Variants in TMEM132D observed in about 807,000 individuals in gnomAD.
The protein encoded by TMEM132D is mature OL transmembrane protein.
Under a neutral mutation model 62.3 loss-of-function variants are expected in TMEM132D, and 21 were observed. That is an observed-to-expected ratio of 0.34 (90% confidence interval 0.24 to 0.49). The LOEUF (loss-of-function observed/expected upper bound fraction) is 0.49. Among genes scored for constraint, TMEM132D ranks in the 20% least tolerant of loss-of-function variants. TMEM132D has a pLI of 0.99. For missense variants in TMEM132D, 1,346 were observed against 1,402.8 expected, an observed-to-expected ratio of 0.96 and a Z score of 0.65; for synonymous variants, 621 against 575.6, an observed-to-expected ratio of 1.08 and a Z score of -1.13.
chr12:129,315,180 G>T (rs1868441878), intron 4 of TMEM132D, among the ~76,000 whole-genome samples: 1 of 152,160 alleles, frequency 6.6e-6, no homozygotes, highest in Non-Finnish European at 1.5e-5. Context: ...GCAGAACTAT[G>T]TTGAAGAGGA....
intron 3 of TMEM132D, among the ~76,000 whole-genome samples, chr12:129,505,986 G>A (rs1875318182): frequency 6.6e-6 from 1 of 152,140 alleles, no homozygotes; most frequent in Non-Finnish European, 1.5e-5. Flanking sequence ...CTGTGAGTCT[G>A]TATCTTTTAA....
rs1221884301 is a variant in TMEM132D, at chr12:129,356,685, T to TAAATAAATA, written c.1116-18877_1116-18869dup. ...ATAAATAAATAAATAAATAAATAAA[T>TAAATAAATA]AAATAAATAAATAAAATAAAAATAC... On this transcript the variant is annotated intron_variant, in intron 3 of 8. Coordinates refer to ENST00000422113, the MANE Select transcript of TMEM132D (RefSeq NM_133448.3). Among the ~76,000 whole-genome samples, 3 of 148,382 alleles carry TAAATAAATA rather than the reference T, an allele frequency of 2.0e-5. No homozygotes were observed. The East Asian group carries it at 6.1e-4, about 30-fold the overall frequency.
At chr12:129,701,733 G>C (rs1460986066) in intron 1 of TMEM132D, among the ~76,000 whole-genome samples, 1 of 152,172 alleles carries the variant, frequency 6.6e-6, no homozygotes, top group Non-Finnish European at 1.5e-5. Context: ...TATTGGCTGG[G>C]AACACTGACT....
chr12:129,196,666 G>T (rs1878560229), intron 5 of TMEM132D, among the ~76,000 whole-genome samples: 3 of 152,088 alleles, frequency 2.0e-5, no homozygotes, highest in African/African-American at 7.2e-5. Flanking sequence ...ATAGGGTAAG[G>T]TTGGTCCATC....
chr12:129,570,898 G>A (rs1173146764), intron 2 of TMEM132D, among the ~76,000 whole-genome samples: 1 of 152,200 alleles, frequency 6.6e-6, no homozygotes, highest in Non-Finnish European at 1.5e-5. Flanking sequence ...GACGGGCTTA[G>A]TAAACAATGA....
intron 1 of TMEM132D, among the ~76,000 whole-genome samples, chr12:129,833,582 G>T (rs116335241): frequency 2.0e-5 from 3 of 152,106 alleles, no homozygotes; most frequent in Non-Finnish European, 4.4e-5. Flanking sequence ...CTGTGATCAC[G>T]CCACTGTTCT....
intron 4 of TMEM132D, among the ~76,000 whole-genome samples, chr12:129,247,443 A>T (rs977783809): frequency 1.3e-5 from 2 of 152,192 alleles, no homozygotes; most frequent in Admixed American, 6.5e-5. Context: ...ATGGTATTGA[A>T]ATAGGTCATG....
intron 1 of TMEM132D, among the ~76,000 whole-genome samples, chr12:129,881,237 CA>C (rs1309934287): frequency 6.6e-6 from 1 of 151,694 alleles, no homozygotes; most frequent in African/African-American, 2.4e-5. Context: ...TAAAGAGAAA[CA>C]AAAAAATCCA....
chr12:129,331,390 A>AT (rs75400352), intron 4 of TMEM132D, among the ~76,000 whole-genome samples: 2 of 151,980 alleles, frequency 1.3e-5, no homozygotes, highest in Admixed American at 1.3e-4. Flanking sequence ...TTCTCCTTTG[A>AT]TTTTTTTCAA....
chr12:129,142,713 G>A (rs1425922211), intron 5 of TMEM132D, among the ~76,000 whole-genome samples: 1 of 152,132 alleles, frequency 6.6e-6, no homozygotes. Context: ...ACAGGTAGTC[G>A]TGGGGACTGC....
intron 4 of TMEM132D, among the ~76,000 whole-genome samples, chr12:129,334,418 C>T (rs975830076): frequency 2.3e-4 from 35 of 152,270 alleles, no homozygotes; most frequent in African/African-American, 7.7e-4. Context: ...AATTTAATAA[C>T]GGCAACCACA....
intron 5 of TMEM132D, among the ~76,000 whole-genome samples, chr12:129,095,511 C>T (rs1256589587): frequency 6.6e-6 from 1 of 152,080 alleles, no homozygotes; most frequent in Admixed American, 6.6e-5. Flanking sequence ...ATCACCACAA[C>T]CGGCTAATTT....
chr12:129,463,834 A>G (rs1180126383), intron 3 of TMEM132D, among the ~76,000 whole-genome samples: 2 of 151,794 alleles, frequency 1.3e-5, no homozygotes. Flanking sequence ...ATAGTATTCC[A>G]TGGTGTATAT....
chr12:129,224,168 G>A (rs1014005992), intron 4 of TMEM132D, among the ~76,000 whole-genome samples: 7 of 152,266 alleles, frequency 4.6e-5, no homozygotes, highest in African/African-American at 1.7e-4. Context: ...ATAATACTTT[G>A]TGTCTCCTGG....
rs188028844 is a variant in TMEM132D, at chr12:129,682,719, C to T, written c.968+17091G>A. Among the ~76,000 whole-genome samples, 352 of 151,736 alleles carry T rather than the reference C, an allele frequency of 2.3e-3. 1 individual carries two copies. Among genetic ancestry groups the T allele is most frequent in the African/African-American group, 8.0e-3 (331 of 41,354 alleles). On this transcript the variant is annotated intron_variant, in intron 2 of 8. Coordinates refer to ENST00000422113, the MANE Select transcript of TMEM132D (RefSeq NM_133448.3). ...CTAAAAATACAAAGTATCAGCCGGGCGTGGTGGCGGGTGCCTGTAGTCCCA... is the reference window on the plus strand; with the variant it reads ...CTAAAAATACAAAGTATCAGCCGGGTGTGGTGGCGGGTGCCTGTAGTCCCA...
At chr12:129,885,251 G>C (rs1049813464) in intron 1 of TMEM132D, among the ~76,000 whole-genome samples, 1 of 152,148 alleles carries the variant, frequency 6.6e-6, no homozygotes, top group African/African-American at 2.4e-5. Context: ...CAATAGTAGA[G>C]GGAATTTTAC....
At chr12:129,303,160 G>A (rs3895997) in intron 4 of TMEM132D, among the ~76,000 whole-genome samples, 57,132 of 141,060 alleles carry the variant, frequency 0.41, 11,222 homozygotes, top group East Asian at 0.75. Flanking sequence ...ATCACTCGCC[G>A]GGACTCTGCA....
intron 1 of TMEM132D, among the ~76,000 whole-genome samples, chr12:129,805,223 C>T (rs568356523): frequency 3.3e-4 from 50 of 152,022 alleles, no homozygotes; most frequent in South Asian, 1.7e-3. Flanking sequence ...AAAAAGAGCC[C>T]GCATCACCAA....
In TMEM132D at chr12:129,342,627, A is replaced by G. The variant is rs553340465; in HGVS notation, c.1116-4810T>C. ...GCACAGTAAAAGAAACTACCATCAGAGTGAACAGGCAACCTACAGAATGGG... is the reference window on the plus strand; with the variant it reads ...GCACAGTAAAAGAAACTACCATCAGGGTGAACAGGCAACCTACAGAATGGG... On this transcript the variant is annotated intron_variant, in intron 3 of 8. Transcript: ENST00000422113. Among the ~76,000 whole-genome samples, 5 of 152,304 alleles carry G rather than the reference A, an allele frequency of 3.3e-5. No individual in the cohort carries two copies. In the South Asian group the frequency reaches 1.0e-3, roughly 32 times the overall value.
Sources: allele counts gnomAD v4.1 joint callset (sites outside exome capture counted in the v4.1 genomes callset), GRCh38; gene constraint gnomAD v4.1.1; transcripts MANE v1.5; gene names NCBI Gene and HGNC (gene_info 2026-07-23, HGNC 2026-07-21).